Variants in RNMT observed in about 807,000 individuals in gnomAD.
RNMT encodes RNA guanine-7 methyltransferase.
RNMT carries 27 observed loss-of-function variants against 56.0 expected under a neutral mutation model. The observed-to-expected ratio is 0.48, with a 90% CI of 0.36 to 0.67. The LOEUF is 0.67. RNMT is among the 30% of genes least tolerant of loss of function. The pLI is 0.00. For synonymous variants in RNMT, 184 were observed against 176.2 expected, an observed-to-expected ratio of 1.04 and a Z score of -0.35; for missense variants, 519 against 552.1, an observed-to-expected ratio of 0.94 and a Z score of 0.60.
intron 8 of RNMT, among the ~76,000 whole-genome samples, 180 bp from the exon 9 acceptor site, chr18:13,746,040 C>T (rs1568508005): frequency 6.6e-6 from 1 of 152,152 alleles, no homozygotes; most frequent in Non-Finnish European, 1.5e-5. Context: ...ATTTAGAATG[C>T]ATGTTTCTTT....
Position 13,762,592 on chromosome 18 carries a change from C to T in RNMT, c.*2613C>T. 5.2e-6 allele frequency: 1 copy of T among 193,370 alleles called. No individual in the cohort carries two copies. Among genetic ancestry groups the T allele is most frequent in the South Asian group, 9.8e-5 (1 of 10,178 alleles). 12.0% of individuals were successfully genotyped at this position (193,370 alleles called of 1,614,324 possible). A position where few individuals can be genotyped will look rare whatever the true frequency, so the allele number is the denominator to read the frequency against. On this transcript the variant is annotated 3_prime_UTR_variant, in exon 12 of 12. Coordinates refer to ENST00000383314, the MANE Select transcript of RNMT (RefSeq NM_003799.3). Reference sequence around the variant, plus strand: ...ATGACTGAAAGGTAGATTGCCAGCACAGTGAGTTTCCCAGCCTGCTCCCCC... The same window carrying T: ...ATGACTGAAAGGTAGATTGCCAGCATAGTGAGTTTCCCAGCCTGCTCCCCC...
intron 5 of RNMT, among the ~76,000 whole-genome samples, chr18:13,739,428 T>C (rs1318043134): frequency 1.3e-5 from 2 of 152,246 alleles, no homozygotes; most frequent in East Asian, 1.9e-4. Flanking sequence ...TTAGTGCTGC[T>C]ACTTTGTATT....
intron 4 of RNMT, among the ~76,000 whole-genome samples, chr18:13,736,790 C>A (rs2044163945): frequency 6.6e-6 from 1 of 151,910 alleles, no homozygotes; most frequent in African/African-American, 2.4e-5. Context: ...CTTTATTTTC[C>A]AAAACACCAG....
At chr18:13,740,934 T>C (rs2044241793) in intron 6 of RNMT, among the ~76,000 whole-genome samples, 1 of 152,252 alleles carries the variant, frequency 6.6e-6, no homozygotes, top group Admixed American at 6.5e-5. Context: ...TATCAGAGCC[T>C]GTTTGGTTTT....
At chr18:13,737,729 G>T (rs992189390) in intron 5 of RNMT, among the ~76,000 whole-genome samples, 1 of 151,664 alleles carries the variant, frequency 6.6e-6, no homozygotes, top group Non-Finnish European at 1.5e-5. Context: ...AAAAAAAATA[G>T]CAGTTGGACA....
chr18:13,734,676 A>G, intron 4 of RNMT, 77 bp downstream of exon 4: 1 of 1,255,642 alleles, frequency 8.0e-7, no homozygotes, highest in East Asian at 2.5e-5. Flanking sequence ...ATAAAGCTAG[A>G]GCCAAGACTA....
chr18:13,742,804 A>G (rs879384805), intron 8 of RNMT, 152 bp downstream of exon 8: 24 of 581,046 alleles, frequency 4.1e-5, no homozygotes, highest in African/African-American at 7.8e-5. Context: ...TAAAAAAAAA[A>G]AACAAAACAA....
At chr18:13,737,270 C>A in intron 5 of RNMT, 135 bp downstream of exon 5, 1 of 776,062 alleles carries the variant, frequency 1.3e-6, no homozygotes, top group Non-Finnish European at 2.0e-6. Flanking sequence ...CGGCCTGACG[C>A]GGTGGCTCAT....
Position 13,746,144 on chromosome 18 carries a change from T to C in RNMT, c.1140-76T>C, listed in dbSNP as rs117831998. Reference sequence around the variant, plus strand: ...CTTTTTTAGTTAAGTCCAGAAGATGTCATTGCTGTACAAAAGTAAGTTGAG... The same window carrying C: ...CTTTTTTAGTTAAGTCCAGAAGATGCCATTGCTGTACAAAAGTAAGTTGAG... On this transcript the variant is annotated intron_variant, in intron 8 of 11. Transcript: ENST00000383314. 4,592 of 742,168 alleles carry C rather than the reference T, an allele frequency of 6.2e-3. 24 individuals are homozygous for C. Among genetic ancestry groups the C allele is most frequent in the Non-Finnish European group, 7.6e-3 (3,282 of 433,990 alleles). 46.0% of individuals were successfully genotyped at this position (742,168 alleles called of 1,614,324 possible). A position where few individuals can be genotyped will look rare whatever the true frequency, so the allele number is the denominator to read the frequency against.
chr18:13,737,389 GA>G (rs2044180309), intron 5 of RNMT, among the ~76,000 whole-genome samples: 1 of 151,816 alleles, frequency 6.6e-6, no homozygotes, highest in African/African-American at 2.4e-5. Flanking sequence ...TAAAAATACA[GA>G]AAATTAGCTG....
chr18:13,757,715 C>T (rs867638494), intron 11 of RNMT, among the ~76,000 whole-genome samples: 4 of 152,138 alleles, frequency 2.6e-5, no homozygotes, highest in Admixed American at 1.3e-4. Context: ...TCTAAACTTG[C>T]GTTCATGTTG....
Position 13,752,830 on chromosome 18 carries a change from A to G in RNMT, c.1359+403A>G, listed in dbSNP as rs149706049. ...TAAGAATGATTACTACAATAGTACCACAGTGGTATTAGCTGCTGCTGTGAC... is the reference window on the plus strand; with the variant it reads ...TAAGAATGATTACTACAATAGTACCGCAGTGGTATTAGCTGCTGCTGTGAC... On this transcript the variant is annotated intron_variant, in intron 10 of 11. Coordinates refer to ENST00000383314, the MANE Select transcript of RNMT (RefSeq NM_003799.3). Among the ~76,000 whole-genome samples the G allele has an allele frequency of 5.8e-4, 89 of 152,356 alleles. 1 individual carries two copies. Among genetic ancestry groups the G allele is most frequent in the African/African-American group, 2.0e-3 (85 of 41,580 alleles).
Position 13,734,469 on chromosome 18 carries a change from GGAA to G in RNMT, c.428_430del (p.Glu143del), listed in dbSNP as rs3831429. The stretch of plus-strand genomic sequence containing the variant: ...CTATTCTCTTTTATTTTCAGAATCT[GGAA>G]GAAGGACACAGCTCAACAGTGGCTG... On this transcript the variant is annotated inframe_deletion, in exon 4 of 12. Transcript: ENST00000383314. 1.7e-4 allele frequency: 274 copies of G among 1,601,434 alleles called. 2 individuals are homozygous for G. The East Asian group carries it at 4.7e-3, about 28-fold the overall frequency.
chr18:13,755,077 G>T (rs1412881968), intron 11 of RNMT, among the ~76,000 whole-genome samples: 1 of 152,224 alleles, frequency 6.6e-6, no homozygotes. Flanking sequence ...TGAGGCACAA[G>T]TGGTCATTAA....
In RNMT at chr18:13,743,762, C is replaced by G. The variant is rs191720622; in HGVS notation, c.1139+1110C>G. Among the ~76,000 whole-genome samples, 3 of 151,652 alleles carry G rather than the reference C, an allele frequency of 2.0e-5. No individual in the cohort carries two copies. In the East Asian group the frequency reaches 5.9e-4, roughly 30 times the overall value. ...GAGGTATATTGTCTGCTTACTTCTGCTTGGTGCTTATTTTAATTGTAACTC... is the reference window on the plus strand; with the variant it reads ...GAGGTATATTGTCTGCTTACTTCTGGTTGGTGCTTATTTTAATTGTAACTC... On this transcript the variant is annotated intron_variant, in intron 8 of 11. Coordinates refer to ENST00000383314, the MANE Select transcript of RNMT (RefSeq NM_003799.3).
At chr18:13,733,335 A>G (rs1601998500) in intron 3 of RNMT, among the ~76,000 whole-genome samples, 2 of 152,152 alleles carry the variant, frequency 1.3e-5, no homozygotes, top group African/African-American at 2.4e-5. Flanking sequence ...ATATAATAGC[A>G]TTATTATAAT....
At chr18:13,755,790 C>A (rs2044532726) in intron 11 of RNMT, among the ~76,000 whole-genome samples, 1 of 152,168 alleles carries the variant, frequency 6.6e-6, no homozygotes, top group African/African-American at 2.4e-5. Context: ...TCCTGCTGGT[C>A]CCAAAGTAGA....
intron 8 of RNMT, among the ~76,000 whole-genome samples, chr18:13,744,156 CTTCTTTT>C (rs1339115212): frequency 1.5e-4 from 4 of 25,954 alleles, no homozygotes; most frequent in African/African-American, 6.0e-4. Context: ...ACCTAGCGGT[CTTCTTTT>C]TTTTTTTTTT....
In RNMT at chr18:13,731,143, A is replaced by G. The variant is rs562322170; in HGVS notation, c.-42-333A>G. ...TATTTTAGGCCAGGCGCAGTGGCTT[A>G]CGCCTGTAATCCCAGCACTTTGGGA... On this transcript the variant is annotated intron_variant, in intron 2 of 11. Transcript: ENST00000383314. 7.2e-5 allele frequency among the ~76,000 whole-genome samples: 11 copies of G among 152,354 alleles called. No individual in the cohort carries two copies. In the East Asian group the frequency reaches 2.1e-3, roughly 29 times the overall value.
Sources: gnomAD v4.1 joint callset for allele counts (sites outside exome capture counted in the v4.1 genomes callset) on GRCh38, gnomAD v4.1.1 for gene constraint, MANE v1.5 for transcripts, NCBI Gene and HGNC (gene_info 2026-07-23, HGNC 2026-07-21) for gene names.